Variants in RGS7 observed in about 807,000 individuals in gnomAD.
RGS7 encodes the protein regulator of G protein signaling 7.
A neutral mutation model predicts 81.1 loss-of-function variants in RGS7; 27 were observed. The ratio of observed to expected loss-of-function variants is 0.33; its 90% confidence interval spans 0.25 to 0.46. The LOEUF (loss-of-function observed/expected upper bound fraction) is 0.46. RGS7 is among the 20% of genes least tolerant of loss of function. The probability of loss-of-function intolerance (pLI) is 1.00; values close to 1 mark genes in which losing one functional copy is unlikely to be tolerated. For missense variants in RGS7, 396 were observed against 607.4 expected, an observed-to-expected ratio of 0.65 and a Z score of 3.66; for synonymous variants, 208 against 207.7, an observed-to-expected ratio of 1.00 and a Z score of -0.01.
intron 18 of RGS7, among the ~76,000 whole-genome samples, chr1:240,796,285 T>C (rs1457039647): frequency 6.6e-6 from 1 of 152,236 alleles, no homozygotes; most frequent in Non-Finnish European, 1.5e-5. Context: ...CAAAATAACA[T>C]TCTAAAGGAA....
At chr1:241,167,735 G>T (rs1229889980) in intron 2 of RGS7, among the ~76,000 whole-genome samples, 1 of 151,672 alleles carries the variant, frequency 6.6e-6, no homozygotes, top group African/African-American at 2.4e-5. Context: ...GGCCAGGCTT[G>T]TCTCAATCTC....
chr1:241,224,063 A>AAT (rs33967533), intron 2 of RGS7, among the ~76,000 whole-genome samples: 62,307 of 146,780 alleles, frequency 0.42, 13,260 homozygotes, highest in East Asian at 0.59. Flanking sequence ...ACTGGTGACC[A>AAT]ATATATATAT....
At position 241,163,388 on chromosome 1, in the gene RGS7, A is replaced by G. The variant is rs910245383; in HGVS notation, c.79-64626T>C. 8.5e-5 allele frequency among the ~76,000 whole-genome samples: 13 copies of G among 152,190 alleles called. No homozygotes were observed. Among genetic ancestry groups the G allele is most frequent in the African/African-American group, 3.1e-4 (13 of 41,448 alleles). Reference sequence around the variant, plus strand: ...TTTTGAGATGGATGTTCAGAGGGCCAGCAGATAGAAGTAGCCATGCAAAGC... The same window carrying G: ...TTTTGAGATGGATGTTCAGAGGGCCGGCAGATAGAAGTAGCCATGCAAAGC... On this transcript the variant is annotated intron_variant, in intron 2 of 18. Transcript: ENST00000440928. The surrounding 1 kb of genome is among the most constrained non-coding windows in gnomAD (Gnocchi z 4.6).
intron 2 of RGS7, among the ~76,000 whole-genome samples, chr1:241,242,306 GTAGATAGA>G (rs58976335): frequency 0.07 from 10,373 of 147,526 alleles, 508 homozygotes; most frequent in East Asian, 0.2. Flanking sequence ...CTATGGATGA[GTAGATAGA>G]TAGATAGATA....
At chr1:241,115,652 C>G (rs183619004) in intron 2 of RGS7, among the ~76,000 whole-genome samples, 26 of 152,240 alleles carry the variant, frequency 1.7e-4, no homozygotes, top group Non-Finnish European at 3.5e-4. Flanking sequence ...GTTTTGGGAT[C>G]CGTTTCCCTT....
At chr1:240,885,123 T>C (rs1667129006) in intron 6 of RGS7, among the ~76,000 whole-genome samples, 1 of 152,218 alleles carries the variant, frequency 6.6e-6, no homozygotes, top group South Asian at 2.1e-4. Flanking sequence ...ACAAGACATG[T>C]ATGTGGCCAA....
intron 3 of RGS7, among the ~76,000 whole-genome samples, chr1:241,059,375 T>C (rs939698185): frequency 6.6e-6 from 1 of 152,326 alleles, no homozygotes; most frequent in South Asian, 2.1e-4. Context: ...TACTTCCATA[T>C]GAACAGTATA....
chr1:241,270,376 T>C (rs1365098740), intron 2 of RGS7, among the ~76,000 whole-genome samples: 1 of 152,210 alleles, frequency 6.6e-6, no homozygotes, highest in Non-Finnish European at 1.5e-5. Context: ...TTCCTTCCAT[T>C]TACCTTGGGA....
chr1:241,079,213 C>T (rs1356393905), intron 3 of RGS7, among the ~76,000 whole-genome samples: 1 of 150,670 alleles, frequency 6.6e-6, no homozygotes, highest in Non-Finnish European at 1.5e-5. Context: ...GCTCTTTCCA[C>T]AGCCAATGAA....
intron 2 of RGS7, among the ~76,000 whole-genome samples, chr1:241,284,845 TTCTG>T (rs2078708502): frequency 2.0e-5 from 3 of 152,062 alleles, no homozygotes; most frequent in Non-Finnish European, 4.4e-5. Flanking sequence ...ATCCAAAAGT[TTCTG>T]TCTTTCTTTG....
At chr1:240,933,038 A>ACGG (rs1675895747) in intron 5 of RGS7, among the ~76,000 whole-genome samples, 1 of 146,574 alleles carries the variant, frequency 6.8e-6, no homozygotes, top group Non-Finnish European at 1.5e-5. Flanking sequence ...CGCCCGCACC[A>ACGG]CGCCCGGCTA....
chr1:241,201,929 A>T (rs1265824241), intron 2 of RGS7, among the ~76,000 whole-genome samples: 1 of 151,814 alleles, frequency 6.6e-6, no homozygotes, highest in Non-Finnish European at 1.5e-5. Flanking sequence ...GTCTCCCTAA[A>T]AGACTGCAAG....
At chr1:241,253,424 T>C (rs965942807) in intron 2 of RGS7, among the ~76,000 whole-genome samples, 4 of 152,186 alleles carry the variant, frequency 2.6e-5, no homozygotes, top group Admixed American at 6.5e-5. Context: ...CAGGTGGCCA[T>C]AGATCTCTGT....
At chr1:240,851,620 C>T (rs1479553942) in intron 9 of RGS7, among the ~76,000 whole-genome samples, 1 of 152,096 alleles carries the variant, frequency 6.6e-6, no homozygotes, top group East Asian at 1.9e-4. Context: ...TGGAATGGGG[C>T]AAAGTAAATT....
At chr1:240,966,627 C>T (rs1292162685) in intron 4 of RGS7, among the ~76,000 whole-genome samples, 1 of 152,126 alleles carries the variant, frequency 6.6e-6, no homozygotes, top group East Asian at 1.9e-4. Flanking sequence ...GATTCAGAAC[C>T]TGTAGAACAT....
rs2995374 is a variant in RGS7 at position 240,842,750 on chromosome 1, T to C, written c.610-15578A>G. On this transcript the variant is annotated intron_variant, in intron 9 of 18. Coordinates refer to ENST00000440928, the MANE Select transcript of RGS7 (RefSeq NM_001364886.1). ...TGGAGTTGCATTTCCTTTCTTTCTT[T>C]CTTCCTTCCTTCCTTCCTTCCTTTT... 9.3e-4 allele frequency among the ~76,000 whole-genome samples: 141 copies of C among 152,234 alleles called. 1 individual carries two copies. Among genetic ancestry groups the C allele is most frequent in the African/African-American group, 3.0e-3 (125 of 41,520 alleles).
Position 241,021,541 on chromosome 1 carries a change from T to G in RGS7, c.176-38412A>C, listed in dbSNP as rs528214352. On this transcript the variant is annotated intron_variant, in intron 3 of 18. Transcript: ENST00000440928. ...TACTGGAAACACGGATTCACAAGAA[T>G]ACGTATCCAGTTTCAGAATAAGAAC... Among the ~76,000 whole-genome samples, 4 of 152,264 alleles carry G rather than the reference T, an allele frequency of 2.6e-5. No individual in the cohort carries two copies. In the South Asian group the frequency reaches 6.2e-4, roughly 24 times the overall value.
intron 2 of RGS7, among the ~76,000 whole-genome samples, chr1:241,148,528 C>T (rs1045047027): frequency 1.4e-4 from 21 of 152,292 alleles, no homozygotes; most frequent in African/African-American, 4.3e-4. Flanking sequence ...GCCCCAGTGC[C>T]TGACACAAAA....
chr1:240,918,426 G>A (rs1030993528), intron 6 of RGS7, among the ~76,000 whole-genome samples: 3 of 151,890 alleles, frequency 2.0e-5, no homozygotes, highest in African/African-American at 7.3e-5. Flanking sequence ...AATTAAACTA[G>A]AAATCAACAA....
Sources: allele counts gnomAD v4.1 joint callset (sites outside exome capture counted in the v4.1 genomes callset), GRCh38; gene constraint gnomAD v4.1.1; non-coding constraint Gnocchi (gnomAD v3.1); transcripts MANE v1.5; gene names NCBI Gene and HGNC (gene_info 2026-07-23, HGNC 2026-07-21).